LIN28B: variants seen among roughly 807,000 people sequenced by gnomAD.
The protein encoded by LIN28B is protein lin-28 homolog B.
Under a neutral mutation model 21.9 loss-of-function variants are expected in LIN28B, and 5 were observed. That is an observed-to-expected ratio of 0.23 (90% CI 0.12 to 0.48). The LOEUF is 0.48. Among genes scored for constraint, LIN28B ranks in the 20% least tolerant of loss-of-function variants. The probability of loss-of-function intolerance (pLI) is 0.98; values close to 1 mark genes in which losing one functional copy is unlikely to be tolerated. For synonymous variants in LIN28B, 109 were observed against 111.3 expected, an observed-to-expected ratio of 0.98 and a Z score of 0.13; for missense variants, 245 against 310.5, an observed-to-expected ratio of 0.79 and a Z score of 1.58.
In LIN28B at chr6:105,069,761, A is replaced by T. The variant is rs549463524; in HGVS notation, c.384-8653A>T. 2.6e-5 allele frequency among the ~76,000 whole-genome samples: 4 copies of T among 152,086 alleles called. No homozygotes were observed. The South Asian group carries it at 8.3e-4, about 32-fold the overall frequency. On this transcript the variant is annotated intron_variant, in intron 3 of 3. Transcript: ENST00000345080. ...TATACATTGAACCTGTTCTTGATTG[A>T]TAAATTATAAATTGAACAGAGAAAC...
chr6:105,031,492 A>G (rs1582907041), intron 3 of LIN28B, among the ~76,000 whole-genome samples: 3 of 151,806 alleles, frequency 2.0e-5, no homozygotes, highest in Admixed American at 1.3e-4. Context: ...AAATATATAC[A>G]TAATATTAAA....
At chr6:105,039,473 TG>T (rs1562102137) in intron 3 of LIN28B, among the ~76,000 whole-genome samples, 1 of 152,174 alleles carries the variant, frequency 6.6e-6, no homozygotes, top group African/African-American at 2.4e-5. Context: ...TGAATAAAAA[TG>T]TAAGTTGCAC....
intron 3 of LIN28B, among the ~76,000 whole-genome samples, chr6:105,039,219 G>A (rs1442477082): frequency 6.6e-6 from 1 of 152,154 alleles, no homozygotes; most frequent in Admixed American, 6.5e-5. Flanking sequence ...GTATTTGTGC[G>A]AGTACTGAAT....
intron 2 of LIN28B, among the ~76,000 whole-genome samples, chr6:104,958,686 G>T (rs1347409029): frequency 6.6e-6 from 1 of 152,078 alleles, no homozygotes; most frequent in Non-Finnish European, 1.5e-5. Context: ...AGTTTGCTGT[G>T]GAAAGAAATG....
intron 3 of LIN28B, among the ~76,000 whole-genome samples, chr6:105,050,393 G>C (rs1771874201): frequency 6.6e-6 from 1 of 151,752 alleles, no homozygotes; most frequent in Admixed American, 6.6e-5. Flanking sequence ...ATGAGGTCAG[G>C]AAATCGAGAC....
At chr6:105,006,812 A>G (rs1322363977) in intron 2 of LIN28B, among the ~76,000 whole-genome samples, 1 of 152,176 alleles carries the variant, frequency 6.6e-6, no homozygotes, top group Non-Finnish European at 1.5e-5. Context: ...CAGATTTTGC[A>G]CTAGCTAGCT....
intron 3 of LIN28B, among the ~76,000 whole-genome samples, chr6:105,064,169 AAG>A (rs1021422787): frequency 1.3e-5 from 2 of 152,226 alleles, no homozygotes; most frequent in African/African-American, 4.8e-5. Flanking sequence ...ATTTTCAAAA[AAG>A]GCAGCATTAT....
chr6:105,075,604 T>C (rs1309450831), intron 3 of LIN28B, among the ~76,000 whole-genome samples: 1 of 152,174 alleles, frequency 6.6e-6, no homozygotes, highest in Non-Finnish European at 1.5e-5. Context: ...GGGGGTGAAT[T>C]AACTATGCAG....
At chr6:104,964,585 A>ATAATGCT (rs1260613160) in intron 2 of LIN28B, among the ~76,000 whole-genome samples, 4 of 152,226 alleles carry the variant, frequency 2.6e-5, no homozygotes, top group Non-Finnish European at 5.9e-5. Flanking sequence ...TATACAATGC[A>ATAATGCT]TAAGAAATTC....
At chr6:104,979,937 G>T (rs1770185832) in intron 2 of LIN28B, among the ~76,000 whole-genome samples, 1 of 151,996 alleles carries the variant, frequency 6.6e-6, no homozygotes, top group African/African-American at 2.4e-5. Context: ...TAAGTGCTTT[G>T]GGAAATTTTG....
At chr6:105,078,262 G>T in intron 3 of LIN28B, 152 bp from the exon 4 acceptor site, 1 of 738,456 alleles carries the variant, frequency 1.4e-6, no homozygotes, top group Non-Finnish European at 2.2e-6. Flanking sequence ...TGAACCAACA[G>T]TGTAACCAGT....
intron 3 of LIN28B, among the ~76,000 whole-genome samples, chr6:105,065,580 G>A (rs1208447335): frequency 6.6e-6 from 1 of 152,204 alleles, no homozygotes; most frequent in Non-Finnish European, 1.5e-5. Context: ...AGCTGGTGCT[G>A]GAATGGGAGA....
In LIN28B at chr6:105,079,956, G is replaced by A. The variant is rs1479923719; in HGVS notation, c.*1173G>A. ...ATGATACGAAAAAGTGCAGCATTTA[G>A]TGGCAGTTAACAAGAGTGACAAGCC... On this transcript the variant is annotated 3_prime_UTR_variant, in exon 4 of 4. Coordinates refer to ENST00000345080, the MANE Select transcript of LIN28B (RefSeq NM_001004317.4). 6.6e-6 allele frequency: 1 copy of A among 152,204 alleles called. No homozygotes were observed. The highest frequency in any genetic ancestry group is 6.5e-5 in the Admixed American group (1 of 15,272). 9.4% of individuals were successfully genotyped at this position (152,204 alleles called of 1,614,324 possible).
intron 2 of LIN28B, among the ~76,000 whole-genome samples, chr6:104,937,928 G>A (rs1179831553): frequency 2.0e-5 from 3 of 151,754 alleles, no homozygotes; most frequent in Admixed American, 2.0e-4. Context: ...TAAAAGTAAA[G>A]CAGGCCAAGC....
intron 3 of LIN28B, among the ~76,000 whole-genome samples, chr6:105,029,470 G>A (rs1251926011): frequency 6.6e-6 from 1 of 152,148 alleles, no homozygotes; most frequent in Non-Finnish European, 1.5e-5. Context: ...GGGCACAGAT[G>A]CAGGTGGTAG....
At chr6:104,942,464 G>A (rs1355083002) in intron 2 of LIN28B, among the ~76,000 whole-genome samples, 3 of 152,028 alleles carry the variant, frequency 2.0e-5, no homozygotes, top group Non-Finnish European at 4.4e-5. Flanking sequence ...AGTTAAGGGT[G>A]AATTCTTGGA....
chr6:104,982,555 G>A (rs1441682853), intron 2 of LIN28B, among the ~76,000 whole-genome samples: 1 of 151,998 alleles, frequency 6.6e-6, no homozygotes, highest in Admixed American at 6.6e-5. Flanking sequence ...TCATACTATA[G>A]TATGCTGTCA....
Position 105,078,609 on chromosome 6 carries a change from A to G in LIN28B, c.579A>G (p.Arg193=). 2 of 1,614,110 alleles carry G rather than the reference A, an allele frequency of 1.2e-6. No individual in the cohort carries two copies. Among genetic ancestry groups the G allele is most frequent in the African/African-American group, 2.7e-5 (2 of 75,032 alleles). The change falls in exon 4 of 4, where the codon CGA becomes CGG. Residue 193 remains arginine, a synonymous_variant. Coordinates refer to ENST00000345080, the MANE Select transcript of LIN28B (RefSeq NM_001004317.4). ...AGCCATGCACTTCAACTCTCCCTCG[A>G]GAAGTGGGAGGCGGGCATGGCTGTA... ...ESQPCTSTLP[R]EVGGGHGCTS...
intron 2 of LIN28B, among the ~76,000 whole-genome samples, chr6:105,008,480 T>A (rs1041994321): frequency 4.6e-5 from 7 of 151,860 alleles, no homozygotes; most frequent in African/African-American, 1.7e-4. Context: ...CCGTCTCTAT[T>A]AAAAATACAA....
Sources: gnomAD v4.1 joint callset for allele counts (sites outside exome capture counted in the v4.1 genomes callset) on GRCh38, gnomAD v4.1.1 for gene constraint, MANE v1.5 for transcripts, NCBI Gene and HGNC (gene_info 2026-07-23, HGNC 2026-07-21) for gene names.